Variants in CEP250 observed in about 807,000 individuals in gnomAD.
CEP250 encodes centrosomal protein 250.
In CEP250, 242 loss-of-function variants were observed where a neutral mutation model predicts 315.7. The ratio of observed to expected loss-of-function variants is 0.77; its 90% CI spans 0.69 to 0.85. CEP250 has a LOEUF of 0.85. Among genes scored for constraint, CEP250 ranks in the 40% least tolerant of loss-of-function variants. The pLI, the probability that CEP250 is intolerant of heterozygous loss-of-function variation, is 0.00. For missense variants in CEP250, 2,515 were observed against 2,886.4 expected (o/e 0.87, Z 2.95); for synonymous variants, 1,088 against 1,175.0 (o/e 0.93, Z 1.51).
At chr20:35,460,460 T>C (rs1259411276) in intron 3 of CEP250, among the ~76,000 whole-genome samples, 1 of 152,190 alleles carries the variant, frequency 6.6e-6, no homozygotes, top group Non-Finnish European at 1.5e-5. Flanking sequence ...GGGGAGGCCA[T>C]GATGAACTGG....
intron 20 of CEP250, among the ~76,000 whole-genome samples, chr20:35,483,655 G>A (rs896498832): frequency 2.6e-5 from 4 of 151,736 alleles, no homozygotes; most frequent in South Asian, 2.1e-4. Flanking sequence ...ACAGGTGCAC[G>A]CCACCATACC....
Position 35,517,059 on chromosome 20 carries a change from T to C in CEP250, c.*5433T>C. 1.0e-6 allele frequency: 1 copy of C among 982,744 alleles called. No homozygotes were observed. The highest frequency in any genetic ancestry group is 1.2e-6 in the Non-Finnish European group (1 of 827,454). The allele number at this position is 982,744 out of a possible 1,614,324, so 60.9% of individuals were successfully genotyped here. On this transcript the variant is annotated 3_prime_UTR_variant, in exon 35 of 35. Transcript: ENST00000397527. ...AGTGGGAAGCCATGGTCACAGACTC[T>C]ACATTCCCCTCTCCTGTTGGCCTCC...
intron 25 of CEP250, among the ~76,000 whole-genome samples, 189 bp downstream of exon 25, chr20:35,496,904 C>T (rs557883099): frequency 6.6e-6 from 1 of 152,338 alleles, no homozygotes; most frequent in South Asian, 2.1e-4. Context: ...GCTTGGGAAT[C>T]TGACCCAGAG....
At position 35,513,411 on chromosome 20, in the gene CEP250, A is replaced by G. The variant is rs1227719502; in HGVS notation, c.*1785A>G. 2 of 152,124 alleles carry G rather than the reference A, an allele frequency of 1.3e-5. No individual in the cohort carries two copies. Among genetic ancestry groups the G allele is most frequent in the East Asian group, 1.9e-4 (1 of 5,188 alleles). The allele number at this position is 152,124 out of a possible 1,614,324, so 9.4% of individuals were successfully genotyped here. On this transcript the variant is annotated 3_prime_UTR_variant, in exon 35 of 35. Transcript: ENST00000397527. ...GTATCTGGGATTATAGACACGTGCC[A>G]CCATGCCCGGCTAATTTTGTATTTT...
rs1014162926 is a variant in CEP250 at position 35,504,031 on chromosome 20, G to A, written c.5662G>A (p.Val1888Met). 2 of 1,607,436 alleles carry A rather than the reference G, an allele frequency of 1.2e-6. No individual in the cohort carries two copies. Among genetic ancestry groups the A allele is most frequent in the South Asian group, 2.2e-5 (2 of 90,338 alleles). Residue 1888 changes from valine to methionine, a missense_variant, in exon 30 of 35, where the codon GTG (valine) becomes ATG (methionine). Coordinates refer to ENST00000397527, the MANE Select transcript of CEP250 (RefSeq NM_007186.6). ...ACGGCGGGTCCAGGCCCTGGAGGAG[G>A]TGCTGGGAGACCTAAGGGCTGAGTC... ...EGRRVQALEEVLGDLRAESRE... is the reference protein window; with the variant it reads ...EGRRVQALEEMLGDLRAESRE...
intron 32 of CEP250, 89 bp from the exon 33 acceptor site, chr20:35,508,854 C>A: frequency 1.9e-6 from 2 of 1,046,300 alleles, no homozygotes; most frequent in Non-Finnish European, 1.4e-6. Flanking sequence ...CATATACCTG[C>A]ACAGGCACTG....
Position 35,462,342 on chromosome 20 carries a change from C to G in CEP250, c.-26C>G, listed in dbSNP as rs377496493. 6.4e-7 allele frequency: 1 copy of G among 1,551,168 alleles called. No individual in the cohort carries two copies. The highest frequency in any genetic ancestry group is 8.7e-7 in the Non-Finnish European group (1 of 1,143,634). ...GAACACCCTCTGGCTACCTAGGGAC[C>G]TGTGGGCCTACCACCTGGTGCCCTC... is the stretch of plus-strand genomic sequence containing the variant. On this transcript the variant is annotated 5_prime_UTR_variant, in exon 4 of 35. Coordinates refer to ENST00000397527, the MANE Select transcript of CEP250 (RefSeq NM_007186.6).
chr20:35,473,772 G>A, intron 13 of CEP250, 98 bp from the exon 14 acceptor site: 1 of 1,152,872 alleles, frequency 8.7e-7, no homozygotes, highest in Non-Finnish European at 1.2e-6. Context: ...AACAGAAGAT[G>A]GGATGTTGAA....
Position 35,503,003 on chromosome 20 carries a change from T to G in CEP250, c.4634T>G (p.Val1545Gly). The change falls in exon 30 of 35, where the codon GTT becomes GGT. Residue 1545 changes from valine (V) to glycine (G), a missense_variant. By Grantham distance (109) the Val-to-Gly change is moderately radical. Transcript: ENST00000397527. This position sits in a 1 kb window ranked among gnomAD's most constrained non-coding sequence, Gnocchi z 4.2. ...ATGATTGAGTCCCAGAGAGGACAGG[T>G]TCAGGACCTGAAAAAGCAGTTGGTT... ...DQMIESQRGQ[V>G]QDLKKQLVTL... 6.2e-7 allele frequency: 1 copy of G among 1,614,058 alleles called. No individual in the cohort carries two copies. The highest frequency in any genetic ancestry group is 1.3e-5 in the African/African-American group (1 of 74,988).
intron 6 of CEP250, 90 bp from the exon 7 acceptor site, chr20:35,465,949 A>G (rs981309132): frequency 1.0e-5 from 16 of 1,557,820 alleles, no homozygotes; most frequent in Admixed American, 1.8e-5. Flanking sequence ...TGCAATGGAA[A>G]ATTTCAGTGG....
chr20:35,506,095 G>GT (rs372770970), intron 30 of CEP250, among the ~76,000 whole-genome samples: 3 of 152,180 alleles, frequency 2.0e-5, no homozygotes, highest in African/African-American at 7.2e-5. Flanking sequence ...TGGCTAAGAG[G>GT]TGGGAGGAAT....
Position 35,503,130 on chromosome 20 carries a change from A to C in CEP250, c.4761A>C (p.Arg1587Ser). Residue 1587 changes from arginine to serine, a missense_variant, in exon 30 of 35, where the codon AGA becomes AGC. Coordinates refer to ENST00000397527, the MANE Select transcript of CEP250 (RefSeq NM_007186.6). This position sits in a 1 kb window ranked among gnomAD's most constrained non-coding sequence, Gnocchi z 4.2. ...KELEGQRETQ[R>S]VALTHLTLDL... is the part of the protein sequence containing the mutation. ...TGGAGGGCCAGAGGGAAACCCAGAG[A>C]GTGGCTTTGACCCACCTTACGCTGG... The C allele has an allele frequency of 6.2e-7, 1 of 1,614,152 alleles. No individual in the cohort carries two copies. Among genetic ancestry groups the C allele is most frequent in the Non-Finnish European group, 8.5e-7 (1 of 1,180,022 alleles).
rs224387 is a variant in CEP250, at chr20:35,513,389, T to G, written c.*1763T>G. ...TTCTCCTGCCTCGGCCTCCTGTGTA[T>G]CTGGGATTATAGACACGTGCCACCA... On this transcript the variant is annotated 3_prime_UTR_variant, in exon 35 of 35. Transcript: ENST00000397527. The G allele has an allele frequency of 1, 151,561 of 152,226 alleles. 75,454 individuals carry two copies. The highest frequency in any genetic ancestry group is 1 in the Middle Eastern group (294 of 294). The allele number at this position is 152,226 out of a possible 1,614,324, so 9.4% of individuals were successfully genotyped here.
rs1460357973 is a variant in CEP250 at position 35,496,709 on chromosome 20, T to C, written c.3300T>C (p.Ser1100=). The part of the protein sequence containing the change: ...QEAQGEQKEL[S]AQMELLRQEV... ...CCCAGGGAGAACAGAAAGAGCTCAG[T>C]GCTCAGGTACTTCCCACTCTGGTTA... Residue 1100 remains serine (S), a synonymous_variant, in exon 25 of 35, where the codon AGT becomes AGC. Coordinates refer to ENST00000397527, the MANE Select transcript of CEP250 (RefSeq NM_007186.6). The C allele has an allele frequency of 4.3e-6, 7 of 1,613,206 alleles. No homozygotes were observed. The African/African-American group carries it at 8.0e-5, about 18-fold the overall frequency.
chr20:35,497,806 C>G lies in CEP250; in HGVS notation c.3394C>G (p.His1132Asp), dbSNP rs2063884303. ...AQLLEELEAS[H>D]ITEQQLRASL... Reference sequence around the variant, plus strand: ...GCTGCTGGAGGAGCTGGAGGCGTCTCATATCACGGAGCAGCAGCTGCGAGC... The same window carrying G: ...GCTGCTGGAGGAGCTGGAGGCGTCTGATATCACGGAGCAGCAGCTGCGAGC... Residue 1132 changes from histidine to aspartate, a missense_variant, in exon 26 of 35, where the codon CAT becomes GAT. By Grantham distance (81) the His-to-Asp change is moderately conservative. Transcript: ENST00000397527. 3.2e-6 allele frequency: 5 copies of G among 1,562,632 alleles called. No individual in the cohort carries two copies. The highest frequency in any genetic ancestry group is 4.3e-6 in the Non-Finnish European group (5 of 1,153,200).
At chr20:35,469,567 G>T (rs1425698605) in intron 9 of CEP250, among the ~76,000 whole-genome samples, 1 of 152,164 alleles carries the variant, frequency 6.6e-6, no homozygotes, top group Non-Finnish European at 1.5e-5. Context: ...TGGCTTCAGG[G>T]TGCTTGACTT....
At chr20:35,479,557 A>T in intron 18 of CEP250, 89 bp from the exon 19 acceptor site, 1 of 1,559,562 alleles carries the variant, frequency 6.4e-7, no homozygotes, top group Non-Finnish European at 8.7e-7. Context: ...TAACTTCTCC[A>T]GGTAGCCAAT....
rs867147471 is a variant in CEP250 at position 35,502,855 on chromosome 20, G to A, written c.4486G>A (p.Val1496Ile). The A allele has an allele frequency of 8.7e-6, 14 of 1,613,824 alleles. No individual in the cohort carries two copies. Among genetic ancestry groups the A allele is most frequent in the Admixed American group, 5.0e-5 (3 of 59,986 alleles). Residue 1496 changes from valine to isoleucine, a missense_variant, in exon 30 of 35, where the codon GTC becomes ATC. Coordinates refer to ENST00000397527, the MANE Select transcript of CEP250 (RefSeq NM_007186.6). Reference sequence around the variant, plus strand: ...TGTTTTAGAGCATCTGCCCATGGCCGTCCAGGAGCGAGAGCAGAAGCTGAC... The same window carrying A: ...TGTTTTAGAGCATCTGCCCATGGCCATCCAGGAGCGAGAGCAGAAGCTGAC... ...RSVLEHLPMA[V>I]QEREQKLTVQ...
chr20:35,459,522 C>A (rs2062707883), intron 2 of CEP250, among the ~76,000 whole-genome samples: 1 of 151,790 alleles, frequency 6.6e-6, no homozygotes, highest in African/African-American at 2.4e-5. Context: ...TGGCTCACAC[C>A]TATAATGCCA....
Sources: allele counts gnomAD v4.1 joint callset (sites outside exome capture counted in the v4.1 genomes callset), GRCh38; gene constraint gnomAD v4.1.1; non-coding constraint Gnocchi (gnomAD v3.1); transcripts MANE v1.5; gene names NCBI Gene and HGNC (gene_info 2026-07-23, HGNC 2026-07-21).